The following C1QTNF7 variants were observed in gnomAD, a reference collection of about 807,000 sequenced individuals.
C1QTNF7 encodes the protein complement C1q tumor necrosis factor-related protein 7.
Under a neutral mutation model 19.6 loss-of-function variants are expected in C1QTNF7, and 15 were observed. The observed-to-expected ratio is 0.76, with a 90% CI of 0.51 to 1.18. The LOEUF (loss-of-function observed/expected upper bound fraction) is 1.18. Among genes scored for constraint, C1QTNF7 ranks in the 50% most tolerant of loss-of-function variants. The pLI is 0.00. For missense variants in C1QTNF7, 324 were observed against 359.7 expected, an observed-to-expected ratio of 0.90 and a Z score of 0.80; for synonymous variants, 142 against 137.5, an observed-to-expected ratio of 1.03 and a Z score of -0.23.
At chr4:15,401,339 C>G (rs900342944) in intron 1 of C1QTNF7, among the ~76,000 whole-genome samples, 1 of 152,112 alleles carries the variant, frequency 6.6e-6, no homozygotes, top group Non-Finnish European at 1.5e-5. Context: ...ACTGGCCTCC[C>G]GGACACCAAA....
intron 1 of C1QTNF7, among the ~76,000 whole-genome samples, chr4:15,369,801 A>G (rs1333683495): frequency 6.6e-6 from 1 of 152,240 alleles, no homozygotes; most frequent in Non-Finnish European, 1.5e-5. Context: ...ATTAATGAAG[A>G]TAATGGAAGG....
chr4:15,350,015 AAGGAAGGG>A (rs1260444660), intron 1 of C1QTNF7, among the ~76,000 whole-genome samples: 3 of 147,876 alleles, frequency 2.0e-5, no homozygotes, highest in Non-Finnish European at 4.5e-5. Flanking sequence ...TATTAGATAA[AAGGAAGGG>A]AGGAAGGGAG....
At chr4:15,427,141 T>C (rs1712086847), upstream of C1QTNF7, among the ~76,000 whole-genome samples, 1 of 152,148 alleles carries the variant, frequency 6.6e-6, no homozygotes, top group African/African-American at 2.4e-5. Flanking sequence ...AGCCCAGCAA[T>C]CTCGTTGGTC....
At chr4:15,429,913 G>GA (rs1467014342) in intron 1 of C1QTNF7, among the ~76,000 whole-genome samples, 1 of 151,760 alleles carries the variant, frequency 6.6e-6, no homozygotes, top group Non-Finnish European at 1.5e-5. Flanking sequence ...ATTTTTCCAA[G>GA]AAAAAAATAT....
At chr4:15,350,170 C>G (rs1205608559) in intron 1 of C1QTNF7, among the ~76,000 whole-genome samples, 162 of 15,206 alleles carry the variant, frequency 0.011, no homozygotes, top group South Asian at 0.019. Flanking sequence ...AGGGAGGGAG[C>G]GAAGGAGGGA....
At chr4:15,419,947 G>C (rs1711670811) in intron 1 of C1QTNF7, 1 of 152,136 alleles carries the variant, frequency 6.6e-6, no homozygotes, top group Non-Finnish European at 1.5e-5. Flanking sequence ...GCCCAAGTGT[G>C]CTTCATTTTT....
At position 15,440,161 on chromosome 4, in the gene C1QTNF7, T is replaced by C. The variant is rs1392413335; in HGVS notation, c.239-2007T>C. ...TATAAAGATTTAGACACACAGAAAATGTTCCTGTATGGTGATTTGGAATTT... is the reference window on the plus strand; with the variant it reads ...TATAAAGATTTAGACACACAGAAAACGTTCCTGTATGGTGATTTGGAATTT... On this transcript the variant is annotated intron_variant, in intron 2 of 2. Transcript: ENST00000444304. Among the ~76,000 whole-genome samples the C allele has an allele frequency of 2.0e-5, 3 of 152,098 alleles. No individual in the cohort carries two copies. In the East Asian group the frequency reaches 5.8e-4, roughly 29 times the overall value.
chr4:15,348,103 G>C (rs1443220566), intron 1 of C1QTNF7, among the ~76,000 whole-genome samples: 1 of 152,146 alleles, frequency 6.6e-6, no homozygotes, highest in Non-Finnish European at 1.5e-5. Context: ...GATGTATTTG[G>C]TGGGCCAGCT....
chr4:15,420,893 T>A (rs1475011980), intron 1 of C1QTNF7, among the ~76,000 whole-genome samples: 2 of 135,832 alleles, frequency 1.5e-5, no homozygotes, highest in Non-Finnish European at 3.1e-5. Flanking sequence ...CCCAGCACAC[T>A]GAGTCATTGT....
At chr4:15,340,178 A>T (rs1219862999) in exon 1 of C1QTNF7, 1 of 1,551,640 alleles carries the variant, frequency 6.4e-7, no homozygotes, top group Non-Finnish European at 8.7e-7. Context: ...GTTTTGGGGG[A>T]AAGTTTGATA....
At position 15,378,522 on chromosome 4, in the gene C1QTNF7, C is replaced by G. The variant is rs1056354121; in HGVS notation, c.13+38315C>G. Among the ~76,000 whole-genome samples the G allele has an allele frequency of 3.9e-5, 6 of 152,202 alleles. No homozygotes were observed. The East Asian group carries it at 1.2e-3, about 29-fold the overall frequency. The stretch of plus-strand genomic sequence containing the variant: ...TTTTTCAACATGTTCTTCCTCATCA[C>G]AGACAAACTAGTATGTCCTAAGTGA... On this transcript the variant is annotated intron_variant, in intron 1 of 2. Coordinates refer to the C1QTNF7 transcript ENST00000295297.
intron 1 of C1QTNF7, among the ~76,000 whole-genome samples, chr4:15,429,535 G>C (rs1339114435): frequency 6.6e-6 from 1 of 152,076 alleles, no homozygotes; most frequent in Non-Finnish European, 1.5e-5. Context: ...CTGTCTTCAG[G>C]GTTCCTCATG....
At chr4:15,355,877 A>C (rs1717127393) in intron 1 of C1QTNF7, among the ~76,000 whole-genome samples, 1 of 152,096 alleles carries the variant, frequency 6.6e-6, no homozygotes, top group Non-Finnish European at 1.5e-5. Flanking sequence ...TGTTTTTAAA[A>C]GACAGGGTAC....
intron 2 of C1QTNF7, among the ~76,000 whole-genome samples, chr4:15,436,534 A>C (rs1712545111): frequency 6.6e-6 from 1 of 152,254 alleles, no homozygotes; most frequent in Non-Finnish European, 1.5e-5. Context: ...ATGAAGTGAC[A>C]ATAGCACTGT....
At chr4:15,361,411 G>A (rs1717338192) in intron 1 of C1QTNF7, 1 of 152,036 alleles carries the variant, frequency 6.6e-6, no homozygotes, top group South Asian at 2.1e-4. Flanking sequence ...AATCTGTCAA[G>A]GTGATATTTT....
At chr4:15,397,184 G>C (rs1718818165) in intron 1 of C1QTNF7, among the ~76,000 whole-genome samples, 1 of 152,108 alleles carries the variant, frequency 6.6e-6, no homozygotes, top group South Asian at 2.1e-4. Context: ...ACAACACATG[G>C]GAATTATGGG....
chr4:15,341,939 G>A (rs1362025858), intron 1 of C1QTNF7, among the ~76,000 whole-genome samples: 1 of 152,248 alleles, frequency 6.6e-6, no homozygotes, highest in Non-Finnish European at 1.5e-5. Flanking sequence ...CTCCAATGGA[G>A]GCTGGCGGCA....
At chr4:15,376,309 C>G (rs1717937670) in intron 1 of C1QTNF7, among the ~76,000 whole-genome samples, 1 of 152,332 alleles carries the variant, frequency 6.6e-6, no homozygotes, top group Non-Finnish European at 1.5e-5. Context: ...GTAAGTTATT[C>G]AAATTTGGGG....
chr4:15,421,797 G>A (rs1711775829), intron 1 of C1QTNF7, among the ~76,000 whole-genome samples: 2 of 152,038 alleles, frequency 1.3e-5, no homozygotes, highest in Admixed American at 1.3e-4. Flanking sequence ...CATAGTAGAT[G>A]GTTAATAAAT....
Sources: gnomAD v4.1 joint callset for allele counts (sites outside exome capture counted in the v4.1 genomes callset) on GRCh38, gnomAD v4.1.1 for gene constraint, MANE v1.5 for transcripts, NCBI Gene and HGNC (gene_info 2026-07-23, HGNC 2026-07-21) for gene names.